Variants in NGFR observed in about 807,000 individuals in gnomAD.
NGFR encodes nerve growth factor receptor.
A neutral mutation model predicts 43.2 loss-of-function variants in NGFR; 30 were observed. The ratio of observed to expected loss-of-function variants is 0.69; its 90% confidence interval spans 0.52 to 0.94. The LOEUF (loss-of-function observed/expected upper bound fraction) is 0.94, where lower values mean the gene tolerates loss of function less well. NGFR is among the 40% of genes least tolerant of loss of function. The pLI is 0.00. For synonymous variants in NGFR, 246 were observed against 259.6 expected (o/e 0.95, Z 0.50); for missense variants, 529 against 602.5 (o/e 0.88, Z 1.28).
chr17:49,496,805 G>A (rs2071141082), intron 1 of NGFR: 2 of 152,278 alleles, frequency 1.3e-5, no homozygotes, highest in Non-Finnish European at 2.9e-5. Context: ...ATTCTGTAGC[G>A]CGGTATCCCG....
Position 49,511,974 on chromosome 17 carries a change from C to T in NGFR, c.904C>T (p.His302Tyr), listed in dbSNP as rs778263844. 1 of 1,613,792 alleles carries T rather than the reference C, an allele frequency of 6.2e-7. No homozygotes were observed. The highest frequency in any genetic ancestry group is 8.5e-7 in the Non-Finnish European group (1 of 1,179,904). Residue 302 changes from histidine (H) to tyrosine (Y), a missense_variant, in exon 5 of 6, where the codon CAC (histidine) becomes TAC (tyrosine). Physicochemically the swap from His to Tyr is moderately conservative, Grantham distance 83. Coordinates refer to ENST00000172229, the MANE Select transcript of NGFR (RefSeq NM_002507.4). ...QTPPPEGEKLHSDSGISVDSQ... is the reference protein window; with the variant it reads ...QTPPPEGEKLYSDSGISVDSQ... ...GCCCCCACCAGAGGGAGAAAAACTC[C>T]ACAGCGACAGTGGCATCTCCGTGGA...
At chr17:49,498,248 A>C (rs1487218540) in intron 1 of NGFR, among the ~76,000 whole-genome samples, 1 of 152,138 alleles carries the variant, frequency 6.6e-6, no homozygotes, top group Non-Finnish European at 1.5e-5. Context: ...TGAGAGATTA[A>C]ATCGTGCCCT....
intron 1 of NGFR, among the ~76,000 whole-genome samples, chr17:49,501,407 G>T (rs1409569045): frequency 6.6e-6 from 1 of 152,242 alleles, no homozygotes; most frequent in African/African-American, 2.4e-5. Flanking sequence ...TGCCATCTCT[G>T]TAGAGAAATG....
chr17:49,496,486 G>A (rs905355391), intron 1 of NGFR: 1 of 152,344 alleles, frequency 6.6e-6, no homozygotes, highest in African/African-American at 2.4e-5. Flanking sequence ...CGGTGGCTAC[G>A]TCTCGGGGTG....
In NGFR at chr17:49,513,022, A is replaced by ATGTG. The variant is rs1363848360; in HGVS notation, c.*13_*14insTGTG. The ATGTG allele has an allele frequency of 2.0e-6, 3 of 1,512,280 alleles. No homozygotes were observed. The highest frequency in any genetic ancestry group is 2.7e-6 in the Non-Finnish European group (3 of 1,128,146). 93.7% of individuals were successfully genotyped at this position (1,512,280 alleles called of 1,614,324 possible). ...ATCCCCGGTGTGAGCCCAACCGGGG[A>ATGTG]GCCCCCGCCCCGCCCCACATTCCGA... On this transcript the variant is annotated 3_prime_UTR_variant, in exon 6 of 6. Coordinates refer to ENST00000172229, the MANE Select transcript of NGFR (RefSeq NM_002507.4).
intron 1 of NGFR, 40 bp from the exon 2 acceptor site, chr17:49,502,021 CTT>C: frequency 7.6e-7 from 1 of 1,324,462 alleles, no homozygotes; most frequent in South Asian, 2.0e-5. Context: ...CCCACCCCAG[CTT>C]TCTCTTGCCA....
At chr17:49,503,386 C>T (rs1041611893) in intron 2 of NGFR, among the ~76,000 whole-genome samples, 6 of 152,276 alleles carry the variant, frequency 3.9e-5, no homozygotes, top group Admixed American at 6.5e-5. Flanking sequence ...GCCTTTGGGC[C>T]GTGGGCTCCC....
At chr17:49,502,815 T>TCTTTCTTCCTTCCTTCCTTCCTTC (rs750931350) in intron 2 of NGFR, among the ~76,000 whole-genome samples, 29 of 121,586 alleles carry the variant, frequency 2.4e-4, no homozygotes, top group African/African-American at 7.4e-4. Flanking sequence ...GCCTGGGATT[T>TCTTTCTTCCTTCCTTCCTTCCTTC]CTTCCTTCCT....
chr17:49,499,497 G>T (rs189518858), intron 1 of NGFR, among the ~76,000 whole-genome samples: 1 of 152,204 alleles, frequency 6.6e-6, no homozygotes, highest in Admixed American at 6.5e-5. Flanking sequence ...AGAGTGGCGT[G>T]AGAGCTCACA....
chr17:49,512,980 A>C lies in NGFR; in HGVS notation c.1255A>C (p.Ser419Arg), dbSNP rs751340144. ...QRADLVESLCSESTATSPV is the reference protein window; with the variant it reads ...QRADLVESLCRESTATSPV Reference sequence around the variant, plus strand: ...AGCCGACCTCGTGGAGAGTCTGTGCAGTGAGTCCACTGCCACATCCCCGGT... The same window carrying C: ...AGCCGACCTCGTGGAGAGTCTGTGCCGTGAGTCCACTGCCACATCCCCGGT... Residue 419 changes from serine (S) to arginine (R), a missense_variant, in exon 6 of 6, where the codon AGT (serine) becomes CGT (arginine). Transcript: ENST00000172229. This position sits in a 1 kb window ranked among gnomAD's most constrained non-coding sequence, Gnocchi z 5.2. 5 of 1,595,298 alleles carry C rather than the reference A, an allele frequency of 3.1e-6. No individual in the cohort carries two copies. Among genetic ancestry groups the C allele is most frequent in the Non-Finnish European group, 3.4e-6 (4 of 1,170,108 alleles).
intron 2 of NGFR, 188 bp from the exon 3 acceptor site, chr17:49,506,102 TCCCCCTTTC>T: frequency 9.0e-7 from 1 of 1,108,116 alleles, no homozygotes; most frequent in Non-Finnish European, 1.2e-6. Context: ...CCGGGCCTCC[TCCCCCTTTC>T]CCAGTTGGCT....
rs780615365 is a variant in NGFR at position 49,506,413 on chromosome 17, G to T, written c.323G>T (p.Arg108Leu). The change falls in exon 3 of 6, where the codon CGC (arginine) becomes CTC (leucine). Residue 108 changes from arginine to leucine, a missense_variant. Coordinates refer to ENST00000172229, the MANE Select transcript of NGFR (RefSeq NM_002507.4). ...PCVEADDAVCRCAYGYYQDET... is the reference protein window; with the variant it reads ...PCVEADDAVCLCAYGYYQDET... ...GTGGAGGCCGACGACGCCGTGTGCCGCTGCGCCTACGGCTACTACCAGGAT... is the reference window on the plus strand; with the variant it reads ...GTGGAGGCCGACGACGCCGTGTGCCTCTGCGCCTACGGCTACTACCAGGAT... The T allele has an allele frequency of 1.2e-6, 2 of 1,604,924 alleles. No individual in the cohort carries two copies. The highest frequency in any genetic ancestry group is 1.7e-5 in the Admixed American group (1 of 59,838).
chr17:49,496,185 T>A (rs1374484683), intron 1 of NGFR: 1 of 152,518 alleles, frequency 6.6e-6, no homozygotes, highest in African/African-American at 2.4e-5. Context: ...GCGCGGACCC[T>A]GAAGTGGTCG....
At chr17:49,511,696 G>A (rs771716783) in intron 4 of NGFR, among the ~76,000 whole-genome samples, 196 bp from the exon 5 acceptor site, 2 of 152,142 alleles carry the variant, frequency 1.3e-5, no homozygotes, top group Admixed American at 6.5e-5. Flanking sequence ...CACTTACAGA[G>A]GGCCCCTCTG....
chr17:49,502,000 A>AGAGAATTGAGGAGGTTC, intron 1 of NGFR, 63 bp from the exon 2 acceptor site: 1 of 264,886 alleles, frequency 3.8e-6, no homozygotes, highest in Non-Finnish European at 7.9e-6. Flanking sequence ...CCCCGGAAGA[A>AGAGAATTGAGGAGGTTC]CCCCCCCCAA....
At position 49,510,808 on chromosome 17, in the gene NGFR, T is replaced by A. The variant is rs138041504; in HGVS notation, c.821+144T>A. 6.0e-5 allele frequency: 62 copies of A among 1,039,480 alleles called. No individual in the cohort carries two copies. In the East Asian group the frequency reaches 1.5e-3, roughly 26 times the overall value. The allele number at this position is 1,039,480 out of a possible 1,614,324, so 64.4% of individuals were successfully genotyped here. ...CCTCACTCATCATCTGCCGCCCCAC[T>A]CCAGGGTGCAGCAGGTCAGCAGGAG... is the stretch of plus-strand genomic sequence containing the variant. On this transcript the variant is annotated intron_variant, in intron 4 of 5. Coordinates refer to ENST00000172229, the MANE Select transcript of NGFR (RefSeq NM_002507.4).
chr17:49,514,746 T>C lies in NGFR; in HGVS notation c.*1737T>C, dbSNP rs2143455214. 1 of 152,178 alleles carries C rather than the reference T, an allele frequency of 6.6e-6. No individual in the cohort carries two copies. Among genetic ancestry groups the C allele is most frequent in the East Asian group, 1.9e-4 (1 of 5,162 alleles). The allele number at this position is 152,178 out of a possible 1,614,324, so 9.4% of individuals were successfully genotyped here. ...GTGGGACAGAGTCTGGGTGTATTTA[T>C]TTTCCTCCCCAGCAGGTGGGGAGGG... On this transcript the variant is annotated 3_prime_UTR_variant, in exon 6 of 6. Coordinates refer to ENST00000172229, the MANE Select transcript of NGFR (RefSeq NM_002507.4).
rs1382093284 is a variant in NGFR, at chr17:49,506,697, G to T, written c.568+39G>T. 5 of 519,614 alleles carry T rather than the reference G, an allele frequency of 9.6e-6. No individual in the cohort carries two copies. In the East Asian group the frequency reaches 2.7e-4, roughly 28 times the overall value. The allele number at this position is 519,614 out of a possible 1,614,324, so 32.2% of individuals were successfully genotyped here. A position where few individuals can be genotyped will look rare whatever the true frequency, so the allele number is the denominator to read the frequency against. On this transcript the variant is annotated intron_variant, in intron 3 of 5. Transcript: ENST00000172229. ...GGGGGGCGGGGGGAGTGGGGGTGCG[G>T]GGGTGGGCTGGGGGCATAAGGAAGG...
Position 49,512,558 on chromosome 17 carries a change from C to A in NGFR, c.983-150C>A. ...CGAGTCCCCCCAGGTGCCTTCACTTCCTGGTGCCCCACCCAGGACCTTGTC... is the reference window on the plus strand; with the variant it reads ...CGAGTCCCCCCAGGTGCCTTCACTTACTGGTGCCCCACCCAGGACCTTGTC... On this transcript the variant is annotated intron_variant, in intron 5 of 5. Coordinates refer to ENST00000172229, the MANE Select transcript of NGFR (RefSeq NM_002507.4). The surrounding 1 kb of genome is among the most constrained non-coding windows in gnomAD (Gnocchi z 5.2). 9.8e-7 allele frequency: 1 copy of A among 1,015,734 alleles called. No individual in the cohort carries two copies. Among genetic ancestry groups the A allele is most frequent in the Non-Finnish European group, 1.4e-6 (1 of 697,368 alleles). The allele number at this position is 1,015,734 out of a possible 1,614,324, so 62.9% of individuals were successfully genotyped here.
Sources: allele counts gnomAD v4.1 joint callset (sites outside exome capture counted in the v4.1 genomes callset), GRCh38; gene constraint gnomAD v4.1.1; non-coding constraint Gnocchi (gnomAD v3.1); transcripts MANE v1.5; gene names NCBI Gene and HGNC (gene_info 2026-07-23, HGNC 2026-07-21).